ARID3B: variants seen among roughly 807,000 people sequenced by gnomAD.
ARID3B encodes the protein AT-rich interactive domain-containing protein 3B.
ARID3B carries 10 observed loss-of-function variants against 51.9 expected under a neutral mutation model. The observed-to-expected ratio is 0.19, with a 90% CI of 0.12 to 0.33. The LOEUF (loss-of-function observed/expected upper bound fraction) is 0.33. ARID3B is among the 10% of genes least tolerant of loss of function. The pLI, the probability that ARID3B is intolerant of heterozygous loss-of-function variation, is 1.00. For synonymous variants in ARID3B, 205 were observed against 279.5 expected (o/e 0.73, Z 2.66); for missense variants, 483 against 716.3 (o/e 0.67, Z 3.72).
At chr15:74,582,662 G>A (rs2061766125) in intron 4 of ARID3B, among the ~76,000 whole-genome samples, 1 of 152,198 alleles carries the variant, frequency 6.6e-6, no homozygotes, top group Non-Finnish European at 1.5e-5. Context: ...TTGGAAGTCT[G>A]TTTGGCAGTG....
At chr15:74,586,914 C>T (rs2061783821) in intron 4 of ARID3B, among the ~76,000 whole-genome samples, 1 of 152,196 alleles carries the variant, frequency 6.6e-6, no homozygotes, top group African/African-American at 2.4e-5. Flanking sequence ...GTAGTGAGAA[C>T]ATGCTTCCTG....
At chr15:74,564,734 T>C (rs1444471382) in intron 2 of ARID3B, among the ~76,000 whole-genome samples, 1 of 151,802 alleles carries the variant, frequency 6.6e-6, no homozygotes, top group East Asian at 1.9e-4. Context: ...CCAAGTAGCT[T>C]GGACTACAGG....
At chr15:74,570,011 A>G (rs1227087074) in intron 2 of ARID3B, among the ~76,000 whole-genome samples, 1 of 152,148 alleles carries the variant, frequency 6.6e-6, no homozygotes, top group Non-Finnish European at 1.5e-5. Flanking sequence ...CTATCTGTGG[A>G]ATGGGTCCAA....
intron 4 of ARID3B, among the ~76,000 whole-genome samples, chr15:74,587,306 A>G (rs2061785130): frequency 6.6e-6 from 1 of 152,206 alleles, no homozygotes; most frequent in African/African-American, 2.4e-5. Context: ...CCAAAAAGGA[A>G]GATGCCTTTG....
chr15:74,571,331 G>T (rs372180125), intron 2 of ARID3B, among the ~76,000 whole-genome samples: 2 of 152,202 alleles, frequency 1.3e-5, no homozygotes, highest in South Asian at 4.1e-4. Flanking sequence ...TCCAAAGAAT[G>T]TTCTCCCAAG....
chr15:74,594,723 CAG>C (rs2061817853), intron 8 of ARID3B, among the ~76,000 whole-genome samples: 1 of 152,236 alleles, frequency 6.6e-6, no homozygotes, highest in Non-Finnish European at 1.5e-5. Context: ...CCACTCACTT[CAG>C]AGAGAGGACA....
intron 2 of ARID3B, among the ~76,000 whole-genome samples, chr15:74,567,017 T>C (rs1166125626): frequency 6.6e-6 from 1 of 151,418 alleles, no homozygotes; most frequent in Non-Finnish European, 1.5e-5. Flanking sequence ...TTTCTGTTAT[T>C]TTTTTTTTCA....
rs563098592 is a variant in ARID3B, at chr15:74,597,003, G to T, written c.*1229G>T. On this transcript the variant is annotated 3_prime_UTR_variant, in exon 9 of 9. Coordinates refer to ENST00000346246, the MANE Select transcript of ARID3B (RefSeq NM_006465.4). ...GAGAGGCCCGCTCTCACACCGGGTC[G>T]GGCCCTGAAACTGTACCAGTTCTGA... 22 of 234,006 alleles carry T rather than the reference G, an allele frequency of 9.4e-5. No individual in the cohort carries two copies. The highest frequency in any genetic ancestry group is 1.1e-4 in the Admixed American group (2 of 17,766). The allele number at this position is 234,006 out of a possible 1,614,324, so 14.5% of individuals were successfully genotyped here. A position where few individuals can be genotyped will look rare whatever the true frequency, so the allele number is the denominator to read the frequency against.
At chr15:74,549,436 C>T (rs2061628160) in intron 2 of ARID3B, among the ~76,000 whole-genome samples, 2 of 99,022 alleles carry the variant, frequency 2.0e-5, no homozygotes, top group African/African-American at 8.1e-5. Context: ...TGTGGTGGCA[C>T]ACGCCTGTAG....
Position 74,559,183 on chromosome 15 carries a change from A to G in ARID3B, c.553-13679A>G, listed in dbSNP as rs141097055. ...TCAGCACTCGGCTCTTAAGAACCCT[A>G]TTCGGGTCATGTTCTCCCTTGAGCC... On this transcript the variant is annotated intron_variant, in intron 2 of 8. Coordinates refer to ENST00000346246, the MANE Select transcript of ARID3B (RefSeq NM_006465.4). Among the ~76,000 whole-genome samples the G allele has an allele frequency of 7.2e-3, 1,100 of 152,280 alleles. 6 individuals are homozygous for G. Among genetic ancestry groups the G allele is most frequent in the African/African-American group, 0.025 (1,057 of 41,544 alleles).
intron 2 of ARID3B, among the ~76,000 whole-genome samples, chr15:74,554,745 C>T (rs2061651011): frequency 6.6e-6 from 1 of 151,766 alleles, no homozygotes; most frequent in Non-Finnish European, 1.5e-5. Context: ...TGTTTTTATT[C>T]TTCTATTGGT....
chr15:74,581,667 A>G (rs1312166439), intron 4 of ARID3B, among the ~76,000 whole-genome samples: 1 of 152,150 alleles, frequency 6.6e-6, no homozygotes, highest in Non-Finnish European at 1.5e-5. Context: ...TCATTATAAT[A>G]CTCTATAAAT....
intron 2 of ARID3B, among the ~76,000 whole-genome samples, chr15:74,557,173 C>A (rs911854240): frequency 6.6e-6 from 1 of 151,650 alleles, no homozygotes; most frequent in African/African-American, 2.4e-5. Flanking sequence ...CCAGCACTTT[C>A]GGAGGCCAAC....
intron 2 of ARID3B, among the ~76,000 whole-genome samples, chr15:74,547,011 A>G (rs1387717197): frequency 3.9e-5 from 6 of 152,148 alleles, no homozygotes; most frequent in Admixed American, 3.3e-4. Context: ...GGGAGAGCCT[A>G]TAGAAACCAT....
At chr15:74,581,035 A>T (rs115804578) in intron 4 of ARID3B, among the ~76,000 whole-genome samples, 5,056 of 152,188 alleles carry the variant, frequency 0.033, 296 homozygotes, top group African/African-American at 0.12. Context: ...GGCTTGGGAG[A>T]CACAGGAGGC....
intron 2 of ARID3B, among the ~76,000 whole-genome samples, chr15:74,548,699 G>T (rs2061624703): frequency 1.3e-5 from 2 of 152,138 alleles, no homozygotes; most frequent in South Asian, 4.1e-4. Context: ...CCTCCAAGCC[G>T]CTTGGGGCAC....
At position 74,591,409 on chromosome 15, in the gene ARID3B, A is replaced by G. The variant is rs2061802792; in HGVS notation, c.1140A>G (p.Ile380Met). 3.7e-6 allele frequency: 6 copies of G among 1,606,708 alleles called. No individual in the cohort carries two copies. Among genetic ancestry groups the G allele is most frequent in the Non-Finnish European group, 5.1e-6 (6 of 1,173,798 alleles). ...SSGTNTSSPRISPATTLRKGD... is the reference protein window; with the variant it reads ...SSGTNTSSPRMSPATTLRKGD... ...GTACCAATACCAGTAGCCCTCGGAT[A>G]TCCCCAGCAACCACTCTCAGGAAAG... Residue 380 changes from isoleucine to methionine, a missense_variant, in exon 6 of 9, where the codon ATA becomes ATG. This residue lies in a region of ARID3B where 265 missense variants were observed against 354.4 expected (regional missense o/e 0.75). Transcript: ENST00000346246. This position sits in a 1 kb window ranked among gnomAD's most constrained non-coding sequence, Gnocchi z 5.8.
chr15:74,543,988 C>A lies in ARID3B; in HGVS notation c.52C>A (p.Pro18Thr). The change falls in exon 2 of 9, where the codon CCA becomes ACA. Residue 18 changes from proline to threonine, a missense_variant. Physicochemically the swap from Pro to Thr is conservative, Grantham distance 38. Coordinates refer to ENST00000346246, the MANE Select transcript of ARID3B (RefSeq NM_006465.4). ...QQQQQQQQKQ[P>T]HLAPLQMDAR... is the part of the protein sequence containing the mutation. ...GCAGCAGCAGCAACAACAGAAGCAG[C>A]CACACCTGGCTCCTCTGCAGATGGA... is the stretch of plus-strand genomic sequence containing the variant. 7.4e-6 allele frequency: 12 copies of A among 1,611,686 alleles called. No homozygotes were observed. The highest frequency in any genetic ancestry group is 1.0e-5 in the Non-Finnish European group (12 of 1,179,054).
intron 4 of ARID3B, among the ~76,000 whole-genome samples, chr15:74,580,175 T>A (rs1487388564): frequency 6.6e-6 from 1 of 152,142 alleles, no homozygotes; most frequent in African/African-American, 2.4e-5. Flanking sequence ...AGAATGAGAC[T>A]GTCAAAAAAA....
Sources: allele counts gnomAD v4.1 joint callset (sites outside exome capture counted in the v4.1 genomes callset), GRCh38; gene constraint gnomAD v4.1.1; regional missense constraint gnomAD v4.1.1; non-coding constraint Gnocchi (gnomAD v3.1); transcripts MANE v1.5; gene names NCBI Gene and HGNC (gene_info 2026-07-23, HGNC 2026-07-21).